LRRC17: variants seen among roughly 807,000 people sequenced by gnomAD.
LRRC17 encodes the protein leucine rich repeat containing 17, also known as leucine-rich repeat-containing protein 17.
Under a neutral mutation model 41.5 loss-of-function variants are expected in LRRC17, and 33 were observed. The observed-to-expected ratio is 0.80, with a 90% CI of 0.60 to 1.06. The LOEUF (loss-of-function observed/expected upper bound fraction) is 1.06. Ranked by LOEUF, LRRC17 falls within the 50% of genes least tolerant of loss-of-function variation. The pLI is 0.00. For synonymous variants in LRRC17, 192 were observed against 197.0 expected (o/e 0.97, Z 0.21); for missense variants, 491 against 519.3 (o/e 0.95, Z 0.53).
chr7:102,935,238 CTTTCT>C (rs1820071830), intron 2 of LRRC17, among the ~76,000 whole-genome samples: 1 of 84,468 alleles, frequency 1.2e-5, no homozygotes. Flanking sequence ...TTTTTTTTTT[CTTTCT>C]TTTTTTTTTT....
chr7:102,927,790 T>C (rs1218620535), intron 1 of LRRC17, among the ~76,000 whole-genome samples: 1 of 152,228 alleles, frequency 6.6e-6, no homozygotes, highest in Non-Finnish European at 1.5e-5. Flanking sequence ...TGAATAGGTA[T>C]GGATAGATAA....
chr7:102,923,693 G>A (rs1025255880), intron 1 of LRRC17, among the ~76,000 whole-genome samples: 5 of 151,822 alleles, frequency 3.3e-5, no homozygotes, highest in Non-Finnish European at 7.4e-5. Flanking sequence ...GCGTGGTGGC[G>A]GGCGCCTGTA....
chr7:102,925,538 G>A (rs2129471822), intron 1 of LRRC17, among the ~76,000 whole-genome samples: 1 of 152,314 alleles, frequency 6.6e-6, no homozygotes, highest in African/African-American at 2.4e-5. Flanking sequence ...AAAACAAGCA[G>A]TGTCAAGCTC....
chr7:102,936,537 C>T (rs939819466), intron 2 of LRRC17, among the ~76,000 whole-genome samples: 1 of 152,084 alleles, frequency 6.6e-6, no homozygotes, highest in South Asian at 2.1e-4. Context: ...TATGGTGAGT[C>T]CTTAGTGCTT....
intron 2 of LRRC17, among the ~76,000 whole-genome samples, chr7:102,935,394 A>T (rs538020630): frequency 1.3e-5 from 2 of 151,658 alleles, no homozygotes; most frequent in South Asian, 2.1e-4. Flanking sequence ...TGATTTTAAT[A>T]AATGCCTCTT....
At position 102,944,388 on chromosome 7, in the gene LRRC17, C is replaced by T; in HGVS notation, c.1107C>T (p.Tyr369=). Residue 369 remains tyrosine (Y), a synonymous_variant, in exon 4 of 4, where the codon TAC becomes TAT. Coordinates refer to ENST00000339431, the MANE Select transcript of LRRC17 (RefSeq NM_001031692.3). ...HYLYYWLKHH[Y]NVHFNGLECK... ...TCTACTACTGGTTAAAGCACCACTA[C>T]AATGTCCATTTTAATGGCCTGGAAT... 6.2e-7 allele frequency: 1 copy of T among 1,614,046 alleles called. No homozygotes were observed. Among genetic ancestry groups the T allele is most frequent in the South Asian group, 1.1e-5 (1 of 91,078 alleles).
At position 102,944,514 on chromosome 7, in the gene LRRC17, A is replaced by G; in HGVS notation, c.1233A>G (p.Ser411=). 1 of 1,614,102 alleles carries G rather than the reference A, an allele frequency of 6.2e-7. No individual in the cohort carries two copies. Among genetic ancestry groups the G allele is most frequent in the Middle Eastern group, 1.6e-4 (1 of 6,062 alleles). ...PKDKLPAYPE[S]FDQDTEDDEW... ...ACAAGTTACCAGCATATCCTGAGTC[A>G]TTTGACCAAGACACAGAAGATGATG... Residue 411 remains serine, a synonymous_variant, in exon 4 of 4, where the codon TCA becomes TCG. Coordinates refer to ENST00000339431, the MANE Select transcript of LRRC17 (RefSeq NM_001031692.3).
chr7:102,944,438 G>A lies in LRRC17; in HGVS notation c.1157G>A (p.Gly386Glu). The A allele has an allele frequency of 1.2e-6, 2 of 1,613,986 alleles. No homozygotes were observed. Among genetic ancestry groups the A allele is most frequent in the Non-Finnish European group, 1.7e-6 (2 of 1,179,944 alleles). The change falls in exon 4 of 4, where the codon GGA (glycine) becomes GAA (glutamate). Residue 386 changes from glycine to glutamate, a missense_variant. Physicochemically the swap from Gly to Glu is moderately conservative, Grantham distance 98. Transcript: ENST00000339431. Reference protein sequence around the residue: ...LECKTPEEYKGWSVGKYIRSY... With the variant: ...LECKTPEEYKEWSVGKYIRSY... ...TGCAAAACGCCTGAAGAATACAAAG[G>A]ATGGTCTGTGGGAAAATATATTAGA...
intron 1 of LRRC17, among the ~76,000 whole-genome samples, chr7:102,916,131 C>G (rs1015292467): frequency 6.6e-6 from 1 of 152,006 alleles, no homozygotes; most frequent in Non-Finnish European, 1.5e-5. Flanking sequence ...TTACAGGCAC[C>G]CACCACGACG....
intron 1 of LRRC17, among the ~76,000 whole-genome samples, chr7:102,926,565 T>C (rs529479516): frequency 4.7e-4 from 72 of 152,352 alleles, no homozygotes; most frequent in African/African-American, 1.6e-3. Context: ...CAAAGCATCA[T>C]TACTCCCTCC....
intron 3 of LRRC17, 134 bp from the exon 4 acceptor site, chr7:102,944,076 G>T (rs1466666527): frequency 1.5e-6 from 1 of 689,392 alleles, no homozygotes; most frequent in East Asian, 2.8e-5. Context: ...CTGAGAAAAA[G>T]AAAGGAAAAG....
chr7:102,934,145 G>T lies in LRRC17; in HGVS notation c.232G>T (p.Gly78Cys). The T allele has an allele frequency of 1.9e-6, 3 of 1,614,160 alleles. No individual in the cohort carries two copies. Among genetic ancestry groups the T allele is most frequent in the Non-Finnish European group, 8.5e-7 (1 of 1,180,006 alleles). The stretch of plus-strand genomic sequence containing the variant: ...AAGAAAATTAGTTTATGTGCTGCCT[G>T]GTTGGCCTCAGGATTTGCTGCACAT... ...QERKLVYVLP[G>C]WPQDLLHMLL... is the part of the protein sequence containing the mutation. The change falls in exon 2 of 4, where the codon GGT becomes TGT. Residue 78 changes from glycine to cysteine, a missense_variant. Transcript: ENST00000339431.
At chr7:102,935,234 T>TTTTC (rs1820064760) in intron 2 of LRRC17, among the ~76,000 whole-genome samples, 1 of 133,374 alleles carries the variant, frequency 7.5e-6, no homozygotes, top group African/African-American at 2.6e-5. Context: ...TCCTTTTTTT[T>TTTTC]TTTCTTTCTT....
intron 3 of LRRC17, among the ~76,000 whole-genome samples, chr7:102,941,666 T>C (rs920174303): frequency 6.6e-6 from 1 of 151,984 alleles, no homozygotes; most frequent in African/African-American, 2.4e-5. Context: ...CTTGGGCAAG[T>C]GTCTAATTTC....
Position 102,933,996 on chromosome 7 carries a change from G to A in LRRC17, c.83G>A (p.Ser28Asn). 1 of 1,614,174 alleles carries A rather than the reference G, an allele frequency of 6.2e-7. No homozygotes were observed. Among genetic ancestry groups the A allele is most frequent in the South Asian group, 1.1e-5 (1 of 91,084 alleles). The part of the protein sequence containing the change: ...LRKASPGSVR[S>N]RVNHGRAGGG... ...AAAGCAAGCCCAGGCAGTGTGAGAA[G>A]CCGAGTGAATCATGGCCGGGCGGGT... Residue 28 changes from serine to asparagine, a missense_variant, in exon 2 of 4, where the codon AGC becomes AAC. By Grantham distance (46) the Ser-to-Asn change is conservative. Coordinates refer to ENST00000339431, the MANE Select transcript of LRRC17 (RefSeq NM_001031692.3).
chr7:102,919,941 T>C (rs906217266), intron 1 of LRRC17, among the ~76,000 whole-genome samples: 19 of 152,256 alleles, frequency 1.2e-4, no homozygotes, highest in African/African-American at 4.3e-4. Context: ...ATACTCATTA[T>C]AAATATAATT....
chr7:102,935,242 C>CTTTTTTTTTTTTTTTTTT (rs71106700), intron 2 of LRRC17, among the ~76,000 whole-genome samples: 4 of 76,402 alleles, frequency 5.2e-5, no homozygotes, highest in African/African-American at 2.3e-4. Context: ...TTTTTTCTTT[C>CTTTTTTTTTTTTTTTTTT]TTTTTTTTTT....
chr7:102,914,107 C>T (rs1815327203), intron 1 of LRRC17, among the ~76,000 whole-genome samples: 1 of 152,230 alleles, frequency 6.6e-6, no homozygotes, highest in Non-Finnish European at 1.5e-5. Flanking sequence ...TGTTGCCCAG[C>T]TGGAGTACAA....
At position 102,939,234 on chromosome 7, in the gene LRRC17, G is replaced by A. The variant is rs1352650244; in HGVS notation, c.773-196G>A. The stretch of plus-strand genomic sequence containing the variant: ...GGCTTTCATCACAATTAGATGGGAA[G>A]TCACTGTAGGCTTTGCTGGGCTTTG... On this transcript the variant is annotated intron_variant, in intron 2 of 3. Coordinates refer to ENST00000339431, the MANE Select transcript of LRRC17 (RefSeq NM_001031692.3). Among the ~76,000 whole-genome samples the A allele has an allele frequency of 1.3e-5, 2 of 152,200 alleles. 1 individual carries two copies. The highest frequency in any genetic ancestry group is 3.9e-4 in the East Asian group (2 of 5,194).
Sources: allele counts gnomAD v4.1 joint callset (sites outside exome capture counted in the v4.1 genomes callset), GRCh38; gene constraint gnomAD v4.1.1; transcripts MANE v1.5; gene names NCBI Gene and HGNC (gene_info 2026-07-23, HGNC 2026-07-21).